MDN1: variants seen among roughly 807,000 people sequenced by gnomAD.
MDN1 encodes the protein midasin.
Under a neutral mutation model 669.2 loss-of-function variants are expected in MDN1, and 266 were observed. The observed-to-expected ratio is 0.40, with a 90% CI of 0.36 to 0.44. MDN1 has a LOEUF of 0.44. MDN1 is among the 20% of genes least tolerant of loss of function. The probability of loss-of-function intolerance (pLI) is 1.00; values close to 1 mark genes in which losing one functional copy is unlikely to be tolerated. For synonymous variants in MDN1, 2,385 were observed against 2,457.1 expected (o/e 0.97, Z 0.87); for missense variants, 5,940 against 6,754.0 (o/e 0.88, Z 4.22).
Position 89,688,062 on chromosome 6 carries a change from A to C in MDN1, c.11355+16T>G, listed in dbSNP as rs917316402. 1 of 1,598,764 alleles carries C rather than the reference A, an allele frequency of 6.3e-7. No individual in the cohort carries two copies. The highest frequency in any genetic ancestry group is 1.3e-5 in the African/African-American group (1 of 74,592). Reference sequence around the variant, plus strand: ...CTGACCACCAACTAAAATGAGGAAGAGAGGTATTAGCTCACCTGTGCCTTT... The same window carrying C: ...CTGACCACCAACTAAAATGAGGAAGCGAGGTATTAGCTCACCTGTGCCTTT... On this transcript the variant is annotated intron_variant, in intron 67 of 101. Transcript: ENST00000369393.
Position 89,674,294 on chromosome 6 carries a change from G to C in MDN1, c.13057C>G (p.Pro4353Ala), listed in dbSNP as rs1811034174. 5.6e-6 allele frequency: 9 copies of C among 1,614,268 alleles called. No homozygotes were observed. The highest frequency in any genetic ancestry group is 7.6e-6 in the Non-Finnish European group (9 of 1,180,044). The change falls in exon 79 of 102, where the codon CCT becomes GCT. Residue 4353 changes from proline to alanine, a missense_variant. Pro to Ala is a conservative substitution (Grantham distance 27, BLOSUM62 -1). Around this residue, in one of 5 missense-constraint regions of MDN1, gnomAD observed 2,280 missense variants for 2,576.3 expected, o/e 0.88. Coordinates refer to ENST00000369393, the MANE Select transcript of MDN1 (RefSeq NM_014611.3). ...GGAGATGGGTAGCTCAGATTGGAAGGAATTAGGTCCAGCACTACTCCACAA... is the reference window on the plus strand; with the variant it reads ...GGAGATGGGTAGCTCAGATTGGAAGCAATTAGGTCCAGCACTACTCCACAA... The part of the protein sequence containing the change: ...QLCGVVLDLI[P>A]SNLSYPSPIP...
At chr6:89,803,798 G>C (rs111825265) in intron 1 of MDN1, among the ~76,000 whole-genome samples, 12,755 of 151,198 alleles carry the variant, frequency 0.084, 699 homozygotes, top group East Asian at 0.22. Flanking sequence ...AGCCAGGATG[G>C]TCTCGATCTC....
At chr6:89,708,427 T>G in intron 51 of MDN1, 69 bp downstream of exon 51, 1 of 1,562,650 alleles carries the variant, frequency 6.4e-7, no homozygotes, top group Non-Finnish European at 8.7e-7. Context: ...ATTTGACAGA[T>G]TCTTAGGAAA....
At position 89,658,636 on chromosome 6, in the gene MDN1, G is replaced by A. The variant is rs115792683; in HGVS notation, c.14995C>T (p.Pro4999Ser). ...EADEEGGENGPADQGFQPQEE... is the reference protein window; with the variant it reads ...EADEEGGENGSADQGFQPQEE... ...TGGGGCTGGAAACCTTGGTCAGCAG[G>A]GCCATTCTCTCCACCTTCTTCATCG... Residue 4999 changes from proline to serine, a missense_variant, in exon 89 of 102, where the codon CCT becomes TCT. Coordinates refer to ENST00000369393, the MANE Select transcript of MDN1 (RefSeq NM_014611.3). 1.2e-3 allele frequency: 1,928 copies of A among 1,611,866 alleles called. 2 individuals carry two copies. Among genetic ancestry groups the A allele is most frequent in the Non-Finnish European group, 1.5e-3 (1,769 of 1,178,078 alleles).
At position 89,798,659 on chromosome 6, in the gene MDN1, G is replaced by C. The variant is rs1044578509; in HGVS notation, c.330-3858C>G. Among the ~76,000 whole-genome samples, 8 of 152,196 alleles carry C rather than the reference G, an allele frequency of 5.3e-5. 1 individual carries two copies. Among genetic ancestry groups the C allele is most frequent in the Admixed American group, 1.3e-4 (2 of 15,280 alleles). ...AAACAAAAAATAAATACAATTGACT[G>C]TAGTGATGACTGCATATATTGATGA... On this transcript the variant is annotated intron_variant, in intron 2 of 101. Coordinates refer to ENST00000369393, the MANE Select transcript of MDN1 (RefSeq NM_014611.3).
At chr6:89,782,634 T>C (rs951258175) in intron 9 of MDN1, among the ~76,000 whole-genome samples, 1 of 132,904 alleles carries the variant, frequency 7.5e-6, no homozygotes, top group Non-Finnish European at 1.6e-5. Context: ...ATAATAATAA[T>C]AATAATAAGA....
In MDN1 at chr6:89,713,230, C is replaced by T. The variant is rs760439364; in HGVS notation, c.7136G>A (p.Arg2379Gln). Reference protein sequence around the residue: ...TAILIVQYLQRGLSLDRAFSE... With the variant: ...TAILIVQYLQQGLSLDRAFSE... ...AAAGGCTCTGTCTAAACTCAGCCCT[C>T]GCTGCAGGTACTGGACAATTAGTAT... is the stretch of plus-strand genomic sequence containing the variant. Residue 2379 changes from arginine (R) to glutamine (Q), a missense_variant, in exon 47 of 102, where the codon CGA becomes CAA. Around this residue, in one of 5 missense-constraint regions of MDN1, gnomAD observed 2,292 missense variants for 2,638.3 expected, o/e 0.87. Transcript: ENST00000369393. 5.0e-6 allele frequency: 8 copies of T among 1,613,938 alleles called. No individual in the cohort carries two copies. The highest frequency in any genetic ancestry group is 2.2e-5 in the South Asian group (2 of 91,060).
chr6:89,665,145 A>G (rs1453067346), intron 84 of MDN1, among the ~76,000 whole-genome samples: 2 of 152,040 alleles, frequency 1.3e-5, no homozygotes, highest in African/African-American at 4.8e-5. Context: ...CCTCTGCCTC[A>G]GCCTCCCCAG....
chr6:89,731,057 G>A (rs959366388), intron 34 of MDN1, 134 bp from the exon 35 acceptor site: 5 of 680,414 alleles, frequency 7.3e-6, no homozygotes, highest in African/African-American at 7.2e-5. Context: ...GATTTCTAGT[G>A]TAAGCAGTCC....
chr6:89,648,846 T>C (rs955044548), intron 97 of MDN1, among the ~76,000 whole-genome samples: 48 of 148,902 alleles, frequency 3.2e-4, no homozygotes, highest in Admixed American at 1.2e-3. Context: ...TAGCCGGGCA[T>C]GGTGACACAC....
In MDN1 at chr6:89,793,837, C is replaced by T. The variant is rs775627044; in HGVS notation, c.780G>A (p.Ser260=). The T allele has an allele frequency of 1.9e-5, 31 of 1,614,024 alleles. No homozygotes were observed. Among genetic ancestry groups the T allele is most frequent in the Admixed American group, 6.7e-5 (4 of 59,998 alleles). Residue 260 remains serine, a synonymous_variant, in exon 5 of 102, where the codon TCG becomes TCA. Transcript: ENST00000369393. ...ELQYLQGHLV[S]SDLSPRVTAV... is the part of the protein sequence containing the mutation. ...CTGTCACCCTAGGGGAGAGGTCAGA[C>T]GAAACAAGATGTCCCTGTAAGTACT...
intron 76 of MDN1, 113 bp from the exon 77 acceptor site, chr6:89,676,320 T>G: frequency 2.4e-6 from 2 of 837,574 alleles, no homozygotes; most frequent in Non-Finnish European, 3.9e-6. Flanking sequence ...GCTGTCTGAA[T>G]AGGTTTATTT....
Position 89,700,290 on chromosome 6 carries a change from T to C in MDN1, c.8643A>G (p.Glu2881=). 2 of 1,612,966 alleles carry C rather than the reference T, an allele frequency of 1.2e-6. No individual in the cohort carries two copies. Among genetic ancestry groups the C allele is most frequent in the Admixed American group, 1.7e-5 (1 of 60,026 alleles). The part of the protein sequence containing the change: ...ANILEDVSLD[E]LKNFVHAQCL... ...ACTGAGCATGCACAAAATTCTTCAATTCATCTGGACAAAAAGACAAATGTT... is the reference window on the plus strand; with the variant it reads ...ACTGAGCATGCACAAAATTCTTCAACTCATCTGGACAAAAAGACAAATGTT... The change falls in exon 57 of 102, where the codon GAA becomes GAG. Residue 2881 remains glutamate, a synonymous_variant. Coordinates refer to ENST00000369393, the MANE Select transcript of MDN1 (RefSeq NM_014611.3).
intron 64 of MDN1, 94 bp downstream of exon 64, chr6:89,690,579 G>GTATCTAAATGTATCTCTTTTCCTCTTT: frequency 6.9e-7 from 1 of 1,455,728 alleles, no homozygotes; most frequent in Non-Finnish European, 9.4e-7. Flanking sequence ...CATACAGAGA[G>GTATCTAAATGTATCTCTTTTCCTCTTT]AGAGATAAAG....
rs1815784284 is a variant in MDN1 at position 89,734,308 on chromosome 6, A to G, written c.4724-1533T>C. Among the ~76,000 whole-genome samples the G allele has an allele frequency of 2.0e-5, 3 of 151,872 alleles. No individual in the cohort carries two copies. In the South Asian group the frequency reaches 6.2e-4, roughly 32 times the overall value. On this transcript the variant is annotated intron_variant, in intron 33 of 101. Coordinates refer to ENST00000369393, the MANE Select transcript of MDN1 (RefSeq NM_014611.3). ...TCAAAAAAATAAAAATAAAAATAAA[A>G]CACAAACAATGTTCCATGTCACTAA...
chr6:89,772,552 T>C (rs760852586), intron 14 of MDN1, 21 bp downstream of exon 14: 1 of 1,604,368 alleles, frequency 6.2e-7, no homozygotes, highest in East Asian at 2.2e-5. Context: ...TGGGGGCAGA[T>C]TTATTTCCTC....
intron 70 of MDN1, among the ~76,000 whole-genome samples, chr6:89,685,222 C>T (rs1811927713): frequency 6.6e-6 from 1 of 152,026 alleles, no homozygotes; most frequent in Non-Finnish European, 1.5e-5. Context: ...TGTTTTTTTG[C>T]ACTTTTGTTC....
At position 89,747,640 on chromosome 6, in the gene MDN1, C is replaced by T. The variant is rs181292536; in HGVS notation, c.3763-170G>A. Among the ~76,000 whole-genome samples the T allele has an allele frequency of 3.9e-5, 6 of 152,178 alleles. No individual in the cohort carries two copies. The East Asian group carries it at 9.7e-4, about 25-fold the overall frequency. The stretch of plus-strand genomic sequence containing the variant: ...GGCGTGGTGGCTCAAGCCTGTAATC[C>T]CAGCACTTTGGAAGGCCAAGGCGGG... On this transcript the variant is annotated intron_variant, in intron 26 of 101. Transcript: ENST00000369393.
intron 63 of MDN1, among the ~76,000 whole-genome samples, chr6:89,691,618 A>G (rs1812386884): frequency 6.6e-6 from 1 of 152,238 alleles, no homozygotes; most frequent in Non-Finnish European, 1.5e-5. Context: ...TAGTTAAATT[A>G]CTTGTGTCAT....
Sources: gnomAD v4.1 joint callset for allele counts (sites outside exome capture counted in the v4.1 genomes callset) on GRCh38, gnomAD v4.1.1 for gene constraint, gnomAD v4.1.1 regional missense constraint, MANE v1.5 for transcripts, NCBI Gene and HGNC (gene_info 2026-07-23, HGNC 2026-07-21) for gene names.